TACC1: variants seen among roughly 807,000 people sequenced by gnomAD.
TACC1 encodes the protein transforming acidic coiled-coil containing protein 1.
TACC1 carries 48 observed loss-of-function variants against 84.4 expected under a neutral mutation model. That is an observed-to-expected ratio of 0.57 (90% CI 0.45 to 0.72). The LOEUF is 0.72. Among genes scored for constraint, TACC1 ranks in the 30% least tolerant of loss-of-function variants. The pLI is 0.00. For missense variants in TACC1, 920 were observed against 973.0 expected (o/e 0.95, Z 0.72); for synonymous variants, 372 against 376.3 (o/e 0.99, Z 0.13).
chr8:38,765,697 G>A (rs536222361), intron 3 of TACC1, among the ~76,000 whole-genome samples: 4 of 152,178 alleles, frequency 2.6e-5, no homozygotes, highest in Admixed American at 2.6e-4. Context: ...TTATGTATGT[G>A]GGAATTTACA....
At chr8:38,791,286 G>A (rs1818588732) in intron 2 of TACC1, among the ~76,000 whole-genome samples, 1 of 152,106 alleles carries the variant, frequency 6.6e-6, no homozygotes, top group African/African-American at 2.4e-5. Context: ...ACTTTTAAAT[G>A]TTTATGGATC....
rs746130693 is a variant in TACC1 at position 38,819,623 on chromosome 8, A to T, written c.379A>T (p.Ile127Phe). 2 of 1,614,264 alleles carry T rather than the reference A, an allele frequency of 1.2e-6. No homozygotes were observed. Among genetic ancestry groups the T allele is most frequent in the Non-Finnish European group, 1.7e-6 (2 of 1,180,048 alleles). Residue 127 changes from isoleucine to phenylalanine, a missense_variant, in exon 3 of 13, where the codon ATT becomes TTT. By Grantham distance (21) the Ile-to-Phe change is conservative. This residue lies in a region of TACC1 where 762 missense variants were observed against 747.3 expected (regional missense o/e 1.02). Transcript: ENST00000317827. Reference sequence around the variant, plus strand: ...AGAAAATGAAGTGCCACAGCAGGCCATTGACTCTCACTCAGTCAAGAATTT... The same window carrying T: ...AGAAAATGAAGTGCCACAGCAGGCCTTTGACTCTCACTCAGTCAAGAATTT... ...PSENEVPQQA[I>F]DSHSVKNFRE...
intron 3 of TACC1, among the ~76,000 whole-genome samples, chr8:38,749,737 A>G (rs1265501796): frequency 6.6e-6 from 1 of 152,064 alleles, no homozygotes; most frequent in African/African-American, 2.4e-5. Context: ...GATTACAGGC[A>G]CGCACAACCA....
At chr8:38,817,955 G>A (rs1825818548) in intron 2 of TACC1, among the ~76,000 whole-genome samples, 1 of 143,400 alleles carries the variant, frequency 7.0e-6, no homozygotes, top group South Asian at 2.3e-4. Flanking sequence ...AAACAGGCTG[G>A]ACGCAGTGGC....
chr8:38,803,146 G>A (rs1389122514), intron 2 of TACC1, among the ~76,000 whole-genome samples: 1 of 152,106 alleles, frequency 6.6e-6, no homozygotes, highest in Non-Finnish European at 1.5e-5. Flanking sequence ...CTATAGCCTT[G>A]TTGGTTTCAT....
Position 38,798,606 on chromosome 8 carries a change from C to CGTGTGTGTGTGTGT in TACC1, c.277+9808_277+9821dup, listed in dbSNP as rs10631964. Among the ~76,000 whole-genome samples the CGTGTGTGTGTGTGT allele has an allele frequency of 4.9e-3, 706 of 143,442 alleles. 11 individuals are homozygous for CGTGTGTGTGTGTGT. The highest frequency in any genetic ancestry group is 0.041 in the East Asian group (196 of 4,832). The allele number at this position is 143,442 out of a possible 152,430, so 94.1% of individuals were successfully genotyped here. A position where few individuals can be genotyped will look rare whatever the true frequency, so the allele number is the denominator to read the frequency against. On this transcript the variant is annotated intron_variant, in intron 2 of 12. Transcript: ENST00000317827. The stretch of plus-strand genomic sequence containing the variant: ...CAGGTAGTTTGTTGTCTGGGTTCTG[C>CGTGTGTGTGTGTGT]GTGTGTGTGTGTGTGTGTGTGTGTG...
In TACC1 at chr8:38,779,366, G is replaced by A. The variant is rs16887758; in HGVS notation, c.27-9338G>A. ...ACTTTGGTCACCACACAGTCACTTA[G>A]ATGAAACCCACAGGCTGCCCAGTAA... On this transcript the variant is annotated intron_variant, in intron 3 of 14. Coordinates refer to the TACC1 transcript ENST00000518415. Among the ~76,000 whole-genome samples the A allele has an allele frequency of 6.6e-3, 1,004 of 152,326 alleles. 11 individuals are homozygous for A. The highest frequency in any genetic ancestry group is 0.023 in the African/African-American group (944 of 41,582).
chr8:38,753,090 G>A (rs1239917500), intron 3 of TACC1, among the ~76,000 whole-genome samples: 1 of 152,112 alleles, frequency 6.6e-6, no homozygotes, highest in Non-Finnish European at 1.5e-5. Context: ...ATGCTGAAGT[G>A]TTGTGTTTTG....
At chr8:38,739,590 G>A (rs1225733712) in intron 1 of TACC1, among the ~76,000 whole-genome samples, 1 of 152,112 alleles carries the variant, frequency 6.6e-6, no homozygotes, top group Admixed American at 6.5e-5. Context: ...TGTCACAGTC[G>A]GCATTTCATC....
intron 2 of TACC1, among the ~76,000 whole-genome samples, chr8:38,807,313 T>C (rs1301638124): frequency 6.6e-6 from 1 of 152,180 alleles, no homozygotes; most frequent in Non-Finnish European, 1.5e-5. Context: ...GCCACTTGGA[T>C]ATGAGATATT....
chr8:38,785,308 T>A (rs541682382), upstream of TACC1, among the ~76,000 whole-genome samples: 1 of 152,324 alleles, frequency 6.6e-6, no homozygotes, highest in African/African-American at 2.4e-5. Flanking sequence ...TTCCAGACTC[T>A]GCTGGCAATT....
intron 4 of TACC1, among the ~76,000 whole-genome samples, chr8:38,826,733 T>G (rs964064080): frequency 2.0e-5 from 3 of 152,222 alleles, no homozygotes; most frequent in African/African-American, 7.2e-5. Context: ...GGTAACTAGA[T>G]AGCATTAAGT....
chr8:38,825,412 C>T, intron 4 of TACC1, 44 bp downstream of exon 4: 1 of 1,608,860 alleles, frequency 6.2e-7, no homozygotes, highest in Non-Finnish European at 8.5e-7. Flanking sequence ...GACCAGGGGT[C>T]CTCCAGTGGG....
At chr8:38,785,798 T>A, upstream of TACC1, 4 of 785,650 alleles carry the variant, frequency 5.1e-6, no homozygotes, top group Non-Finnish European at 6.2e-6. Flanking sequence ...CACATGGACC[T>A]CCTGCCTAGT....
rs1833121473 is a variant in TACC1, at chr8:38,851,785, G to A, written c.*3762G>A. On this transcript the variant is annotated 3_prime_UTR_variant, in exon 13 of 13. Transcript: ENST00000317827. ...TTTAAAGTAAAGATGTATTTATTCT[G>A]AAGAATCTAAAAGATAACAGATTAT... The A allele has an allele frequency of 8.3e-6, 3 of 359,828 alleles. No individual in the cohort carries two copies. The highest frequency in any genetic ancestry group is 2.1e-5 in the African/African-American group (1 of 46,938). 22.3% of individuals were successfully genotyped at this position (359,828 alleles called of 1,614,324 possible).
At chr8:38,782,193 C>G (rs1366965017) in intron 3 of TACC1, among the ~76,000 whole-genome samples, 1 of 151,986 alleles carries the variant, frequency 6.6e-6, no homozygotes, top group Non-Finnish European at 1.5e-5. Flanking sequence ...ACAACAGTCC[C>G]CAGAGTGTGA....
intron 3 of TACC1, among the ~76,000 whole-genome samples, chr8:38,757,610 G>A (rs1810354734): frequency 6.6e-6 from 1 of 151,966 alleles, no homozygotes; most frequent in Non-Finnish European, 1.5e-5. Context: ...GTCCTGCCAG[G>A]ACCCCACCGC....
intron 11 of TACC1, among the ~76,000 whole-genome samples, chr8:38,844,139 T>C (rs1244759059): frequency 6.6e-6 from 1 of 152,126 alleles, no homozygotes; most frequent in African/African-American, 2.4e-5. Context: ...TATTTGTTTT[T>C]GGCAAGCAAC....
chr8:38,796,144 A>G (rs905897977), intron 2 of TACC1, among the ~76,000 whole-genome samples: 4 of 152,212 alleles, frequency 2.6e-5, no homozygotes, highest in African/African-American at 9.6e-5. Flanking sequence ...TGTTTGCAGC[A>G]TCTTGTTTGA....
Sources: allele counts gnomAD v4.1 joint callset (sites outside exome capture counted in the v4.1 genomes callset), GRCh38; gene constraint gnomAD v4.1.1; regional missense constraint gnomAD v4.1.1; transcripts MANE v1.5; gene names NCBI Gene and HGNC (gene_info 2026-07-23, HGNC 2026-07-21).